ZNF804A: variants seen among roughly 807,000 people sequenced by gnomAD.
ZNF804A encodes zinc finger protein 804A.
ZNF804A carries 2 observed loss-of-function variants against 16.5 expected under a neutral mutation model. That is an observed-to-expected ratio of 0.12 (90% CI 0.05 to 0.38). ZNF804A has a LOEUF of 0.38. ZNF804A is among the 10% of genes least tolerant of loss of function. The pLI, the probability that ZNF804A is intolerant of heterozygous loss-of-function variation, is 0.99. For missense variants in ZNF804A, 1,473 were observed against 1,390.7 expected (o/e 1.06, Z -0.94); for synonymous variants, 534 against 489.6 (o/e 1.09, Z -1.20).
intron 2 of ZNF804A, among the ~76,000 whole-genome samples, chr2:184,886,497 G>A (rs1684893586): frequency 6.6e-6 from 1 of 152,338 alleles, no homozygotes; most frequent in Middle Eastern, 3.4e-3. Flanking sequence ...GGGACACCGT[G>A]TGGGGGCTCC....
At position 184,791,623 on chromosome 2, in the gene ZNF804A, A is replaced by G. The variant is rs542791298; in HGVS notation, c.112-74746A>G. Reference sequence around the variant, plus strand: ...TACTTCCCCCAACCTCACTCCCAACACACACACTCTATCAATGTTCCAAAC... The same window carrying G: ...TACTTCCCCCAACCTCACTCCCAACGCACACACTCTATCAATGTTCCAAAC... On this transcript the variant is annotated intron_variant, in intron 1 of 3. Coordinates refer to ENST00000302277, the MANE Select transcript of ZNF804A (RefSeq NM_194250.2). 2.2e-4 allele frequency among the ~76,000 whole-genome samples: 34 copies of G among 152,202 alleles called. No individual in the cohort carries two copies. In the South Asian group the frequency reaches 7.1e-3, roughly 32 times the overall value.
At chr2:184,781,731 T>A (rs912032846) in intron 1 of ZNF804A, among the ~76,000 whole-genome samples, 13 of 151,832 alleles carry the variant, frequency 8.6e-5, no homozygotes, top group Non-Finnish European at 1.5e-4. Context: ...TAACTTCTAC[T>A]TTTTTGCATC....
intron 2 of ZNF804A, among the ~76,000 whole-genome samples, chr2:184,878,551 T>C (rs1184145939): frequency 2.0e-5 from 3 of 151,930 alleles, no homozygotes; most frequent in African/African-American, 4.8e-5. Context: ...CAAAGAATAT[T>C]TGGAAGGAGC....
chr2:184,610,634 G>A (rs1691221508), intron 1 of ZNF804A, among the ~76,000 whole-genome samples: 2 of 152,034 alleles, frequency 1.3e-5, no homozygotes, highest in Non-Finnish European at 2.9e-5. Context: ...TGGAAATACT[G>A]TAAAATTACA....
At chr2:184,804,017 C>T (rs1270862746) in intron 1 of ZNF804A, among the ~76,000 whole-genome samples, 1 of 152,128 alleles carries the variant, frequency 6.6e-6, no homozygotes, top group Non-Finnish European at 1.5e-5. Context: ...TGTGCGCCAA[C>T]ATGCCTGGCT....
At chr2:184,838,869 T>C (rs1201419242) in intron 1 of ZNF804A, among the ~76,000 whole-genome samples, 3 of 152,062 alleles carry the variant, frequency 2.0e-5, no homozygotes, top group Non-Finnish European at 4.4e-5. Context: ...TGCCTACAAA[T>C]TGATTATATA....
rs73043260 is a variant in ZNF804A, at chr2:184,766,589, T to A, written c.112-99780T>A. Among the ~76,000 whole-genome samples, 1,014 of 150,626 alleles carry A rather than the reference T, an allele frequency of 6.7e-3. 10 individuals are homozygous for A. Among genetic ancestry groups the A allele is most frequent in the African/African-American group, 0.024 (973 of 40,864 alleles). On this transcript the variant is annotated intron_variant, in intron 1 of 3. Coordinates refer to ENST00000302277, the MANE Select transcript of ZNF804A (RefSeq NM_194250.2). ...TTCTGTCTGTATCTTTACTGTGCGA[T>A]ATGACTGTCTTGTAAAAATAACTTA...
chr2:184,624,790 G>T (rs1691471312), intron 1 of ZNF804A, among the ~76,000 whole-genome samples: 1 of 152,088 alleles, frequency 6.6e-6, no homozygotes, highest in Non-Finnish European at 1.5e-5. Flanking sequence ...ATTGATTTCT[G>T]TATAGTTTTG....
intron 1 of ZNF804A, among the ~76,000 whole-genome samples, chr2:184,613,759 A>G (rs1691276081): frequency 6.6e-6 from 1 of 152,202 alleles, no homozygotes; most frequent in Non-Finnish European, 1.5e-5. Context: ...GGAGAACTAC[A>G]AACCACTGCT....
chr2:184,893,803 T>C lies in ZNF804A; in HGVS notation c.255+27291T>C, dbSNP rs1416956749. On this transcript the variant is annotated intron_variant, in intron 2 of 3. Transcript: ENST00000302277. ...GAGAGTGTGCATCAATTCGTTGATATATACTGAACTTTTTGTGTTATATTG... is the reference window on the plus strand; with the variant it reads ...GAGAGTGTGCATCAATTCGTTGATACATACTGAACTTTTTGTGTTATATTG... 1.3e-5 allele frequency among the ~76,000 whole-genome samples: 2 copies of C among 152,158 alleles called. 1 individual carries two copies. Among genetic ancestry groups the C allele is most frequent in the Non-Finnish European group, 2.9e-5 (2 of 68,010 alleles).
intron 2 of ZNF804A, among the ~76,000 whole-genome samples, chr2:184,883,823 T>A (rs894953151): frequency 4.6e-5 from 7 of 151,990 alleles, no homozygotes; most frequent in African/African-American, 1.7e-4. Flanking sequence ...GGGCTCTCTA[T>A]CAAAAACCCA....
chr2:184,897,414 T>C lies in ZNF804A; in HGVS notation c.255+30902T>C, dbSNP rs531616185. The stretch of plus-strand genomic sequence containing the variant: ...TTTCCATACAGCAATTTTTGGATTT[T>C]TCCCCCCCTTTTTTCCCCTTTCCAT... On this transcript the variant is annotated intron_variant, in intron 2 of 3. Coordinates refer to ENST00000302277, the MANE Select transcript of ZNF804A (RefSeq NM_194250.2). Among the ~76,000 whole-genome samples, 939 of 151,150 alleles carry C rather than the reference T, an allele frequency of 6.2e-3. 14 individuals carry two copies. Among genetic ancestry groups the C allele is most frequent in the African/African-American group, 0.022 (885 of 41,142 alleles).
chr2:184,716,511 A>G (rs1052744212), intron 1 of ZNF804A, among the ~76,000 whole-genome samples: 1 of 152,176 alleles, frequency 6.6e-6, no homozygotes, highest in African/African-American at 2.4e-5. Context: ...ACAGTAATTT[A>G]TCTTTAAGTA....
rs186495589 is a variant in ZNF804A at position 184,634,347 on chromosome 2, G to A, written c.111+35277G>A. 2.0e-5 allele frequency among the ~76,000 whole-genome samples: 3 copies of A among 152,238 alleles called. No individual in the cohort carries two copies. In the East Asian group the frequency reaches 5.8e-4, roughly 29 times the overall value. On this transcript the variant is annotated intron_variant, in intron 1 of 3. Coordinates refer to ENST00000302277, the MANE Select transcript of ZNF804A (RefSeq NM_194250.2). Reference sequence around the variant, plus strand: ...TAGTAGGCAATTGCCCCCCTCAGATGTCCACATATTAATCCCTGAAACCTG... The same window carrying A: ...TAGTAGGCAATTGCCCCCCTCAGATATCCACATATTAATCCCTGAAACCTG...
At chr2:184,736,091 G>A (rs1257108063) in intron 1 of ZNF804A, among the ~76,000 whole-genome samples, 3 of 152,028 alleles carry the variant, frequency 2.0e-5, no homozygotes, top group East Asian at 1.9e-4. Context: ...CCATTTTGAT[G>A]TTCAGTCTCC....
chr2:184,756,472 C>A (rs1333489863), intron 1 of ZNF804A, among the ~76,000 whole-genome samples: 3 of 151,968 alleles, frequency 2.0e-5, no homozygotes, highest in African/African-American at 7.2e-5. Flanking sequence ...TTATAGAATA[C>A]TTTCCCTTAA....
At chr2:184,640,602 C>G (rs1691779159) in intron 1 of ZNF804A, among the ~76,000 whole-genome samples, 1 of 152,000 alleles carries the variant, frequency 6.6e-6, no homozygotes, top group Non-Finnish European at 1.5e-5. Flanking sequence ...TATTAACAAA[C>G]TATAAGTAAT....
chr2:184,796,458 C>A (rs903019453), intron 1 of ZNF804A, among the ~76,000 whole-genome samples: 3 of 152,138 alleles, frequency 2.0e-5, no homozygotes, highest in Middle Eastern at 3.4e-3. Context: ...GCTAGGAGGG[C>A]TGTATTTTTC....
chr2:184,621,073 T>A (rs1691410109), intron 1 of ZNF804A, among the ~76,000 whole-genome samples: 1 of 151,586 alleles, frequency 6.6e-6, no homozygotes, highest in Admixed American at 6.6e-5. Context: ...TCTGTCAGTT[T>A]TGGAATTTCA....
Sources: gnomAD v4.1 joint callset for allele counts (sites outside exome capture counted in the v4.1 genomes callset) on GRCh38, gnomAD v4.1.1 for gene constraint, MANE v1.5 for transcripts, NCBI Gene and HGNC (gene_info 2026-07-23, HGNC 2026-07-21) for gene names.